ACTR3C: variants seen among roughly 807,000 people sequenced by gnomAD.
The protein encoded by ACTR3C is actin-related protein 3C.
In ACTR3C, 18 loss-of-function variants were observed where a neutral mutation model predicts 26.3. That is an observed-to-expected ratio of 0.68 (90% CI 0.47 to 1.01). The LOEUF is 1.01. Among genes scored for constraint, ACTR3C ranks in the 50% least tolerant of loss-of-function variants. The pLI is 0.00. For missense variants in ACTR3C, 184 were observed against 250.7 expected (o/e 0.73, Z 1.80); for synonymous variants, 55 against 94.5 (o/e 0.58, Z 2.42).
chr7:149,938,915 G>A, the ACTR3C span, among the ~76,000 whole-genome samples: 2 of 144,716 alleles, frequency 1.4e-5, no homozygotes, highest in African/African-American at 2.5e-5. Flanking sequence ...AAATAAATAA[G>A]TATAAATATA....
the ACTR3C span, among the ~76,000 whole-genome samples, chr7:150,126,899 T>G: frequency 2.0e-5 from 3 of 152,142 alleles, no homozygotes; most frequent in African/African-American, 7.2e-5. Context: ...TACACCAGCC[T>G]TTCCCTAAGA....
chr7:150,309,672 G>C (rs73472384), intron 1 of ACTR3C, among the ~76,000 whole-genome samples: 6,163 of 152,200 alleles, frequency 0.04, 408 homozygotes, highest in African/African-American at 0.14. Context: ...CCACAGCCCA[G>C]GATTCTTCCT....
At chr7:150,010,439 A>G in the ACTR3C span, among the ~76,000 whole-genome samples, 1 of 152,134 alleles carries the variant, frequency 6.6e-6, no homozygotes, top group Non-Finnish European at 1.5e-5. Context: ...GCAATATACA[A>G]GTAGGCTCTA....
the ACTR3C span, among the ~76,000 whole-genome samples, chr7:149,992,939 C>T: frequency 7.2e-5 from 11 of 151,986 alleles, no homozygotes; most frequent in Non-Finnish European, 1.5e-4. Flanking sequence ...GGAGAGCCCC[C>T]GGCAAACCAC....
At chr7:149,898,119 G>A in the ACTR3C span, among the ~76,000 whole-genome samples, 2 of 152,176 alleles carry the variant, frequency 1.3e-5, no homozygotes, top group Non-Finnish European at 2.9e-5. Flanking sequence ...GTGGAAACAC[G>A]GGCTGAAATG....
chr7:150,120,256 GAC>G, the ACTR3C span, among the ~76,000 whole-genome samples: 6 of 152,054 alleles, frequency 3.9e-5, no homozygotes, highest in Non-Finnish European at 1.5e-5. Flanking sequence ...GAAGGAGATA[GAC>G]ACACAAAAAA....
the ACTR3C span, among the ~76,000 whole-genome samples, chr7:150,208,235 T>C: frequency 1.3e-5 from 2 of 152,056 alleles, no homozygotes; most frequent in African/African-American, 4.8e-5. Context: ...GCTGAGAGTC[T>C]GGGGAGAACA....
At chr7:150,316,203 AC>A (rs1400186463) in intron 1 of ACTR3C, among the ~76,000 whole-genome samples, 2 of 152,196 alleles carry the variant, frequency 1.3e-5, no homozygotes, top group African/African-American at 4.8e-5. Context: ...GTCTCAAAAA[AC>A]AAACAAACAA....
chr7:150,174,037 C>T, the ACTR3C span, among the ~76,000 whole-genome samples: 1 of 140,574 alleles, frequency 7.1e-6, no homozygotes, highest in Admixed American at 6.7e-5. Context: ...CCCACATTTT[C>T]CTGTCTTCTT....
At chr7:150,228,635 G>C in the ACTR3C span, among the ~76,000 whole-genome samples, 1 of 152,068 alleles carries the variant, frequency 6.6e-6, no homozygotes, top group Non-Finnish European at 1.5e-5. Flanking sequence ...GCCTCTAGAA[G>C]TTGGCAAAAG....
chr7:150,227,687 G>GGT, the ACTR3C span, among the ~76,000 whole-genome samples: 175 of 131,836 alleles, frequency 1.3e-3, 2 homozygotes, highest in East Asian at 5.0e-3. Flanking sequence ...TTTGTGTCTG[G>GGT]GTTTTTTTTT....
chr7:150,037,128 C>T, the ACTR3C span, among the ~76,000 whole-genome samples: 342 of 63,698 alleles, frequency 5.4e-3, 2 homozygotes, highest in Non-Finnish European at 7.3e-3. Context: ...GGGACTGGCT[C>T]TCAGTCCCTG....
downstream of ACTR3C, among the ~76,000 whole-genome samples, chr7:150,241,694 T>C (rs920087034): frequency 6.6e-6 from 1 of 151,924 alleles, no homozygotes; most frequent in Non-Finnish European, 1.5e-5. Flanking sequence ...ATTGAAAAAA[T>C]GGAAAGGCTA....
chr7:149,968,753 A>G, the ACTR3C span, among the ~76,000 whole-genome samples: 1 of 152,062 alleles, frequency 6.6e-6, no homozygotes, highest in South Asian at 2.1e-4. Flanking sequence ...AATGTGACTG[A>G]TCACTCTGCA....
chr7:150,103,682 T>G, the ACTR3C span, among the ~76,000 whole-genome samples: 1 of 151,892 alleles, frequency 6.6e-6, no homozygotes, highest in Admixed American at 6.6e-5. Context: ...TTTTTTAAAT[T>G]CAGAGACAAT....
chr7:150,076,327 G>A, the ACTR3C span, among the ~76,000 whole-genome samples: 273 of 152,132 alleles, frequency 1.8e-3, 2 homozygotes, highest in Middle Eastern at 0.02. Flanking sequence ...CATGATTTGT[G>A]GGTGACAAGA....
At chr7:150,094,484 G>A in the ACTR3C span, among the ~76,000 whole-genome samples, 171 of 150,580 alleles carry the variant, frequency 1.1e-3, no homozygotes, top group Non-Finnish European at 1.7e-3. Flanking sequence ...ACAATGCCAC[G>A]GATTATTATA....
chr7:149,954,258 T>C, the ACTR3C span, among the ~76,000 whole-genome samples: 1 of 152,208 alleles, frequency 6.6e-6, no homozygotes, highest in Non-Finnish European at 1.5e-5. Flanking sequence ...AACTGTATAA[T>C]CATTTGAGTA....
the ACTR3C span, among the ~76,000 whole-genome samples, chr7:150,224,191 TGGA>T: frequency 6.6e-6 from 1 of 152,158 alleles, no homozygotes; most frequent in African/African-American, 2.4e-5. Context: ...CACACTCAAG[TGGA>T]GGAGATTTTG....
Sources: allele counts gnomAD v4.1 joint callset (sites outside exome capture counted in the v4.1 genomes callset), GRCh38; gene constraint gnomAD v4.1.1; transcripts MANE v1.5; gene names NCBI Gene and HGNC (gene_info 2026-07-23, HGNC 2026-07-21).